LRRC4C: variants seen among roughly 807,000 people sequenced by gnomAD.
The protein encoded by LRRC4C is leucine-rich repeat-containing protein 4C.
LRRC4C carries 5 observed loss-of-function variants against 33.6 expected under a neutral mutation model. That is an observed-to-expected ratio of 0.15 (90% CI 0.08 to 0.31). The LOEUF is 0.31. Among genes scored for constraint, LRRC4C ranks in the 10% least tolerant of loss-of-function variants. The pLI, the probability that LRRC4C is intolerant of heterozygous loss-of-function variation, is 1.00. For missense variants in LRRC4C, 560 were observed against 796.7 expected (o/e 0.70, Z 3.58); for synonymous variants, 329 against 302.0 (o/e 1.09, Z -0.93).
intron 2 of LRRC4C, among the ~76,000 whole-genome samples, chr11:40,911,586 A>C (rs1956691128): frequency 6.6e-6 from 1 of 152,128 alleles, no homozygotes; most frequent in Non-Finnish European, 1.5e-5. Flanking sequence ...TAAAACCACA[A>C]AGATGGGGAA....
rs558665898 is a variant in LRRC4C at position 40,207,994 on chromosome 11, T to C, written c.-96+33525A>G. On this transcript the variant is annotated intron_variant, in intron 5 of 6. Transcript: ENST00000528697. ...CTTCCTGCCTCTTCATTTCTGACAA[T>C]ACTACGGGACACTAAGGAAACCTAC... is the stretch of plus-strand genomic sequence containing the variant. Among the ~76,000 whole-genome samples, 12 of 152,252 alleles carry C rather than the reference T, an allele frequency of 7.9e-5. No individual in the cohort carries two copies. In the South Asian group the frequency reaches 2.5e-3, roughly 32 times the overall value.
At chr11:41,262,569 A>T (rs887206688) in intron 1 of LRRC4C, among the ~76,000 whole-genome samples, 1 of 152,076 alleles carries the variant, frequency 6.6e-6, no homozygotes, top group South Asian at 2.1e-4. Context: ...CAGTTATCCT[A>T]CTTAAAGCCA....
At chr11:40,996,542 T>G in intron 1 of LRRC4C, among the ~76,000 whole-genome samples, 1 of 152,118 alleles carries the variant, frequency 6.6e-6, no homozygotes, top group East Asian at 1.9e-4. Context: ...ATTCCTTGGA[T>G]AGATAGGACC....
intron 3 of LRRC4C, among the ~76,000 whole-genome samples, chr11:40,618,223 C>T (rs1413210976): frequency 2.0e-5 from 3 of 151,308 alleles, no homozygotes; most frequent in African/African-American, 7.3e-5. Context: ...TCCACTATGA[C>T]TGATGTCTTT....
intron 2 of LRRC4C, among the ~76,000 whole-genome samples, chr11:40,713,510 A>G (rs1341884434): frequency 3.3e-5 from 5 of 152,212 alleles, no homozygotes; most frequent in Non-Finnish European, 5.9e-5. Flanking sequence ...TATACATTTG[A>G]ACAAGTGACA....
intron 1 of LRRC4C, among the ~76,000 whole-genome samples, chr11:41,378,614 A>G (rs1953028073): frequency 6.6e-6 from 1 of 152,172 alleles, no homozygotes; most frequent in African/African-American, 2.4e-5. Flanking sequence ...TTCAGGCCCA[A>G]AAGAATAGAA....
At chr11:40,621,676 A>G (rs796702616) in intron 3 of LRRC4C, among the ~76,000 whole-genome samples, 1 of 151,630 alleles carries the variant, frequency 6.6e-6, no homozygotes, top group African/African-American at 2.4e-5. Flanking sequence ...ACCTTGTCTA[A>G]CTCTTTTTTA....
intron 2 of LRRC4C, among the ~76,000 whole-genome samples, chr11:40,666,858 A>G (rs2136245725): frequency 6.6e-6 from 1 of 152,312 alleles, no homozygotes; most frequent in African/African-American, 2.4e-5. Flanking sequence ...GTGGTCAGTT[A>G]AAATAACAAC....
chr11:40,680,862 A>G (rs1351013707), intron 2 of LRRC4C, among the ~76,000 whole-genome samples: 1 of 152,228 alleles, frequency 6.6e-6, no homozygotes, highest in Non-Finnish European at 1.5e-5. Flanking sequence ...ACATGCAATC[A>G]TTATAGAAAG....
At chr11:40,698,159 TCAAAA>T (rs1945674146) in intron 2 of LRRC4C, among the ~76,000 whole-genome samples, 1 of 151,956 alleles carries the variant, frequency 6.6e-6, no homozygotes, top group Admixed American at 6.6e-5. Flanking sequence ...CTTAATAATA[TCAAAA>T]CAAATGAACA....
chr11:40,754,309 T>G (rs2137014814), intron 2 of LRRC4C, among the ~76,000 whole-genome samples: 1 of 152,248 alleles, frequency 6.6e-6, no homozygotes, highest in East Asian at 1.9e-4. Flanking sequence ...ACTCTATTTG[T>G]GTTTAAGAAG....
At chr11:40,126,959 CAA>C (rs111797947) in intron 6 of LRRC4C, among the ~76,000 whole-genome samples, 4 of 137,960 alleles carry the variant, frequency 2.9e-5, no homozygotes, top group African/African-American at 5.3e-5. Flanking sequence ...AACTTTGTCT[CAA>C]AAAAAAAAAA....
chr11:40,439,186 C>T (rs1234517796), intron 3 of LRRC4C, among the ~76,000 whole-genome samples: 1 of 151,586 alleles, frequency 6.6e-6, no homozygotes, highest in African/African-American at 2.4e-5. Context: ...GTGATCCACC[C>T]ACCTTGGCCT....
At chr11:41,167,278 A>AC (rs1944772597) in intron 1 of LRRC4C, among the ~76,000 whole-genome samples, 1 of 152,188 alleles carries the variant, frequency 6.6e-6, no homozygotes, top group African/African-American at 2.4e-5. Context: ...CTACAACCTA[A>AC]CACAGAAGGT....
chr11:41,427,298 C>T (rs928087631), intron 1 of LRRC4C, among the ~76,000 whole-genome samples: 2 of 152,096 alleles, frequency 1.3e-5, no homozygotes, highest in Admixed American at 6.6e-5. Context: ...TAAGTATCCA[C>T]TCTTTGCCTG....
intron 3 of LRRC4C, among the ~76,000 whole-genome samples, chr11:40,359,824 TAG>T (rs1406808777): frequency 6.6e-6 from 1 of 152,158 alleles, no homozygotes; most frequent in African/African-American, 2.4e-5. Flanking sequence ...ATTTGAAAAT[TAG>T]AGTTAGAATT....
At chr11:40,132,310 C>G (rs1250940955) in intron 6 of LRRC4C, among the ~76,000 whole-genome samples, 1 of 152,146 alleles carries the variant, frequency 6.6e-6, no homozygotes, top group East Asian at 1.9e-4. Flanking sequence ...TTCCTCAAAA[C>G]AAATGCCCGT....
intron 3 of LRRC4C, among the ~76,000 whole-genome samples, chr11:40,366,866 G>A (rs1342238540): frequency 6.6e-6 from 1 of 152,036 alleles, no homozygotes; most frequent in African/African-American, 2.4e-5. Flanking sequence ...TGTTAGCTAT[G>A]AATATGATGG....
At chr11:40,495,813 GTTTTTTTTTTTTTTTTTT>G (rs77683172) in intron 3 of LRRC4C, among the ~76,000 whole-genome samples, 1,734 of 66,990 alleles carry the variant, frequency 0.026, 64 homozygotes, top group African/African-American at 0.098. Context: ...CAATAAACAT[GTTTTTTTTTTTTTTTTTT>G]TTTTTTTTTT....
Sources: gnomAD v4.1 joint callset for allele counts (sites outside exome capture counted in the v4.1 genomes callset) on GRCh38, gnomAD v4.1.1 for gene constraint, MANE v1.5 for transcripts, NCBI Gene and HGNC (gene_info 2026-07-23, HGNC 2026-07-21) for gene names.